NEDD9: variants seen among roughly 807,000 people sequenced by gnomAD.
The protein encoded by NEDD9 is enhancer of filamentation 1.
NEDD9 carries 26 observed loss-of-function variants against 76.6 expected under a neutral mutation model. The observed-to-expected ratio is 0.34, with a 90% CI of 0.25 to 0.47. NEDD9 has a LOEUF of 0.47. Among genes scored for constraint, NEDD9 ranks in the 20% least tolerant of loss-of-function variants. The pLI is 1.00. For synonymous variants in NEDD9, 392 were observed against 414.2 expected, an observed-to-expected ratio of 0.95 and a Z score of 0.65; for missense variants, 937 against 1,058.5, an observed-to-expected ratio of 0.89 and a Z score of 1.59.
chr6:11,294,762 G>A (rs758272671), intron 3 of NEDD9, among the ~76,000 whole-genome samples: 1 of 152,150 alleles, frequency 6.6e-6, no homozygotes, highest in Non-Finnish European at 1.5e-5. Context: ...GGGGTAAGAT[G>A]ATATCTCATT....
intron 3 of NEDD9, among the ~76,000 whole-genome samples, chr6:11,292,271 C>T (rs1397987567): frequency 6.6e-6 from 1 of 152,210 alleles, no homozygotes; most frequent in African/African-American, 2.4e-5. Context: ...GTCTGGTAGG[C>T]ATGGGAAAGC....
chr6:11,241,256 C>A lies in NEDD9; in HGVS notation c.13-27529G>T, dbSNP rs1759702586. 6.6e-6 allele frequency among the ~76,000 whole-genome samples: 1 copy of A among 152,190 alleles called. No homozygotes were observed. The highest frequency in any genetic ancestry group is 1.5e-5 in the Non-Finnish European group (1 of 68,034). On this transcript the variant is annotated intron_variant, in intron 3 of 3. Coordinates refer to the NEDD9 transcript ENST00000397378. This position sits in a 1 kb window ranked among gnomAD's most constrained non-coding sequence, Gnocchi z 4.0. ...AAGGGGAGCAAAGGCATCAGGTCTT[C>A]TTCTTGCTAACCTTTGTGCTTCCTC...
intron 1 of NEDD9, among the ~76,000 whole-genome samples, chr6:11,374,066 C>CTATATATA (rs35562815): frequency 7.5e-4 from 112 of 149,672 alleles, no homozygotes; most frequent in African/African-American, 2.7e-3. Flanking sequence ...CTCTCTCTCT[C>CTATATATA]TATATATATA....
At chr6:11,226,395 T>C (rs1421546672) in intron 1 of NEDD9, among the ~76,000 whole-genome samples, 1 of 152,206 alleles carries the variant, frequency 6.6e-6, no homozygotes, top group Non-Finnish European at 1.5e-5. Flanking sequence ...TTCATTTGTC[T>C]TGGCGAGAAG....
chr6:11,342,360 G>A (rs1762290472), intron 1 of NEDD9, among the ~76,000 whole-genome samples: 1 of 152,014 alleles, frequency 6.6e-6, no homozygotes, highest in Non-Finnish European at 1.5e-5. Context: ...GAAGATAAAG[G>A]AAGCCCCACC....
At chr6:11,349,091 C>T (rs1160935336) in intron 1 of NEDD9, among the ~76,000 whole-genome samples, 1 of 151,936 alleles carries the variant, frequency 6.6e-6, no homozygotes, top group Non-Finnish European at 1.5e-5. Context: ...AAAACAACGC[C>T]ATTAAAAATT....
intron 1 of NEDD9, among the ~76,000 whole-genome samples, chr6:11,350,294 G>A (rs937385953): frequency 1.3e-5 from 2 of 152,190 alleles, no homozygotes; most frequent in African/African-American, 4.8e-5. Flanking sequence ...GAACACTTAA[G>A]CCGTGGTTTT....
rs77837452 is a variant in NEDD9 at position 11,313,921 on chromosome 6, G to A, written c.-152-7766C>T. 5.1e-3 allele frequency among the ~76,000 whole-genome samples: 779 copies of A among 152,332 alleles called. 5 individuals are homozygous for A. The highest frequency in any genetic ancestry group is 0.017 in the African/African-American group (699 of 41,578). The stretch of plus-strand genomic sequence containing the variant: ...AGATCCTTCCCAACTGCAATAGACT[G>A]TGATTATAGGGAGGTTTTACAAGTT... On this transcript the variant is annotated intron_variant, in intron 2 of 3. Transcript: ENST00000397378.
intron 1 of NEDD9, among the ~76,000 whole-genome samples, chr6:11,366,213 G>A (rs764588534): frequency 6.6e-6 from 1 of 152,006 alleles, no homozygotes; most frequent in African/African-American, 2.4e-5. Context: ...GAACCTGGGA[G>A]GCAGAGGTTG....
chr6:11,188,195 G>GT (rs752857958), intron 6 of NEDD9, 23 bp downstream of exon 6: 1 of 1,596,780 alleles, frequency 6.3e-7, no homozygotes, highest in African/African-American at 1.3e-5. Flanking sequence ...ATGCCAAGCA[G>GT]TTTTTGCTCT....
chr6:11,382,023 T>C (rs550021918), intron 1 of NEDD9: 2 of 152,168 alleles, frequency 1.3e-5, no homozygotes, highest in Non-Finnish European at 2.9e-5. Flanking sequence ...CCTGCCCCAG[T>C]TGAGGAGTGT....
intron 3 of NEDD9, chr6:11,249,028 T>A (rs530681330): frequency 6.3e-4 from 272 of 428,804 alleles, no homozygotes; most frequent in Middle Eastern, 1.0e-3. Context: ...CCAGTTTTCA[T>A]CCCCATGATG....
intron 2 of NEDD9, among the ~76,000 whole-genome samples, chr6:11,312,333 A>G (rs1228824186): frequency 6.6e-6 from 1 of 151,684 alleles, no homozygotes; most frequent in Non-Finnish European, 1.5e-5. Flanking sequence ...CATCTTCCCC[A>G]TGGCCTCATC....
chr6:11,216,261 C>T (rs537138928), intron 1 of NEDD9, among the ~76,000 whole-genome samples: 2 of 152,296 alleles, frequency 1.3e-5, no homozygotes, highest in African/African-American at 4.8e-5. Flanking sequence ...ATTCACACAC[C>T]GATACATATT....
intron 3 of NEDD9, among the ~76,000 whole-genome samples, chr6:11,253,025 G>A (rs1581984537): frequency 6.6e-6 from 1 of 152,148 alleles, no homozygotes; most frequent in Admixed American, 6.5e-5. Context: ...GTAGGGGCAC[G>A]AGAATGTTTA....
intron 2 of NEDD9, among the ~76,000 whole-genome samples, chr6:11,312,763 A>G (rs1761412923): frequency 6.6e-6 from 1 of 150,844 alleles, no homozygotes; most frequent in Non-Finnish European, 1.5e-5. Context: ...TTGCAGGCCA[A>G]TAACCCAGTG....
intron 2 of NEDD9, among the ~76,000 whole-genome samples, chr6:11,318,057 A>C (rs961624158): frequency 1.3e-5 from 2 of 152,138 alleles, no homozygotes; most frequent in Non-Finnish European, 2.9e-5. Flanking sequence ...TTTGGACTTA[A>C]ATGGAGATAT....
At chr6:11,311,305 A>C (rs2113439075) in intron 2 of NEDD9, among the ~76,000 whole-genome samples, 2 of 152,356 alleles carry the variant, frequency 1.3e-5, no homozygotes, top group South Asian at 4.1e-4. Context: ...CCCTCATCCA[A>C]CTGGACTGAT....
chr6:11,293,022 T>A (rs1417571491), intron 3 of NEDD9, among the ~76,000 whole-genome samples: 1 of 152,120 alleles, frequency 6.6e-6, no homozygotes, highest in Non-Finnish European at 1.5e-5. Flanking sequence ...AGTTTAACAA[T>A]CTCTACAGGT....
Sources: gnomAD v4.1 joint callset for allele counts (sites outside exome capture counted in the v4.1 genomes callset) on GRCh38, gnomAD v4.1.1 for gene constraint, Gnocchi (gnomAD v3.1) non-coding constraint, MANE v1.5 for transcripts, NCBI Gene and HGNC (gene_info 2026-07-23, HGNC 2026-07-21) for gene names.